Variants in UBAP2 observed in about 807,000 individuals in gnomAD.
The protein encoded by UBAP2 is ubiquitin-associated protein 2.
In UBAP2, 75 loss-of-function variants were observed where a neutral mutation model predicts 139.6. The ratio of observed to expected loss-of-function variants is 0.54; its 90% CI spans 0.45 to 0.65. The LOEUF is 0.65. Among genes scored for constraint, UBAP2 ranks in the 30% least tolerant of loss-of-function variants. The pLI is 0.00. For missense variants in UBAP2, 1,368 were observed against 1,369.6 expected (o/e 1.00, Z 0.02); for synonymous variants, 526 against 526.2 (o/e 1.00, Z 0.01).
chr9:33,993,916 A>C (rs1821929768), intron 4 of UBAP2, among the ~76,000 whole-genome samples: 1 of 109,904 alleles, frequency 9.1e-6, no homozygotes, highest in Non-Finnish European at 1.9e-5. Context: ...TTTTTTTGAG[A>C]CCGAGTCTCG....
chr9:33,953,579 T>C (rs1363530249), intron 11 of UBAP2, 105 bp from the exon 12 acceptor site: 8 of 1,206,062 alleles, frequency 6.6e-6, no homozygotes, highest in South Asian at 3.3e-5. Context: ...AAAAATCAAA[T>C]GAGGAGAACC....
At chr9:33,937,112 A>T (rs1824616517) in intron 16 of UBAP2, among the ~76,000 whole-genome samples, 2 of 151,604 alleles carry the variant, frequency 1.3e-5, no homozygotes, top group Non-Finnish European at 2.9e-5. Context: ...TAAAAAATAA[A>T]GTGAGACTGG....
chr9:34,016,594 C>G (rs1189315335), intron 2 of UBAP2, among the ~76,000 whole-genome samples: 1 of 150,140 alleles, frequency 6.7e-6, no homozygotes, highest in Non-Finnish European at 1.5e-5. Context: ...CTCGCTTTGT[C>G]ACCCAGGCTG....
chr9:33,967,035 T>G (rs568522932), intron 8 of UBAP2, among the ~76,000 whole-genome samples: 1 of 152,196 alleles, frequency 6.6e-6, no homozygotes, highest in African/African-American at 2.4e-5. Context: ...CTCTATTTAT[T>G]GTCTTCTTTA....
chr9:33,971,511 AAT>A (rs1827913837), intron 8 of UBAP2, 138 bp downstream of exon 8: 6 of 601,748 alleles, frequency 1.0e-5, no homozygotes, highest in Non-Finnish European at 1.8e-5. Context: ...ACCAACTAAG[AAT>A]AGTTTCAGAG....
chr9:34,008,285 T>C (rs986784347), intron 2 of UBAP2, among the ~76,000 whole-genome samples: 18 of 145,084 alleles, frequency 1.2e-4, no homozygotes, highest in Non-Finnish European at 1.9e-4. Context: ...GCCATTGCAC[T>C]GCAGCGTGGG....
intron 2 of UBAP2, among the ~76,000 whole-genome samples, chr9:34,015,784 T>C (rs1824197307): frequency 6.6e-6 from 1 of 152,114 alleles, no homozygotes; most frequent in South Asian, 2.1e-4. Context: ...TCCTCCCACC[T>C]CAGCCGCCCA....
At chr9:33,928,198 C>T in intron 19 of UBAP2, 1 of 541,364 alleles carries the variant, frequency 1.8e-6, no homozygotes, top group Non-Finnish European at 3.2e-6. Flanking sequence ...CATCAGGATA[C>T]AATACATAAA....
chr9:33,983,727 C>T (rs920323786), intron 6 of UBAP2, among the ~76,000 whole-genome samples: 13 of 152,192 alleles, frequency 8.5e-5, no homozygotes, highest in African/African-American at 3.1e-4. Context: ...TACGTGCCAA[C>T]ACTCTTCGTT....
At chr9:33,971,564 AT>A in intron 8 of UBAP2, 86 bp downstream of exon 8, 1 of 829,004 alleles carries the variant, frequency 1.2e-6, no homozygotes. Context: ...CCATCAGCAC[AT>A]TTAGACTTCA....
chr9:34,018,907 TTAAA>T (rs1251459378), intron 1 of UBAP2, among the ~76,000 whole-genome samples: 1 of 151,656 alleles, frequency 6.6e-6, no homozygotes. Context: ...AATTAATTAA[TTAAA>T]AAGCACCATT....
chr9:33,973,695 A>G (rs989814659), intron 6 of UBAP2, among the ~76,000 whole-genome samples: 4 of 152,238 alleles, frequency 2.6e-5, no homozygotes, highest in African/African-American at 9.6e-5. Context: ...GCAAGCAAGA[A>G]GAGAAAATTA....
At chr9:33,925,212 G>C (rs307696) in intron 22 of UBAP2, among the ~76,000 whole-genome samples, 1 of 152,046 alleles carries the variant, frequency 6.6e-6, no homozygotes, top group Admixed American at 6.5e-5. Context: ...AGCCATCCTG[G>C]CTGGGAATGG....
rs748492171 is a variant in UBAP2 at position 33,927,085 on chromosome 9, A to G, written c.2372-5T>C. The G allele has an allele frequency of 1.7e-5, 28 of 1,605,080 alleles. No individual in the cohort carries two copies. The highest frequency in any genetic ancestry group is 8.5e-5 in the Admixed American group (5 of 58,620). The stretch of plus-strand genomic sequence containing the variant: ...GTAAGTTTGGGGGTGCTTTGCCTGT[A>G]TAGAGGGAAAAATCAAATGGAGTGA... On this transcript the variant is annotated splice_polypyrimidine_tract_variant and splice_region_variant and intron_variant, in intron 20 of 28. Coordinates refer to ENST00000379238, the MANE Select transcript of UBAP2 (RefSeq NM_001370062.2).
At chr9:33,925,971 A>T (rs1823394018) in intron 22 of UBAP2, among the ~76,000 whole-genome samples, 1 of 152,172 alleles carries the variant, frequency 6.6e-6, no homozygotes, top group South Asian at 2.1e-4. Context: ...CTGTCCCCAC[A>T]GTTCTGTTCA....
At chr9:33,977,642 A>G (rs1409700011) in intron 6 of UBAP2, among the ~76,000 whole-genome samples, 1 of 151,564 alleles carries the variant, frequency 6.6e-6, no homozygotes, top group African/African-American at 2.4e-5. Context: ...ACTCTACTAC[A>G]TCTCTGTTGA....
At chr9:33,945,103 C>G (rs1285889397) in intron 13 of UBAP2, among the ~76,000 whole-genome samples, 5 of 150,824 alleles carry the variant, frequency 3.3e-5, no homozygotes, top group Non-Finnish European at 5.9e-5. Flanking sequence ...GCATTCCAGC[C>G]TGGATGACAA....
intron 11 of UBAP2, among the ~76,000 whole-genome samples, chr9:33,955,474 C>T (rs549596701): frequency 4.7e-5 from 7 of 147,618 alleles, no homozygotes; most frequent in East Asian, 4.1e-4. Context: ...GAGCCGAGAT[C>T]GTGCCACTGC....
intron 1 of UBAP2, among the ~76,000 whole-genome samples, chr9:34,032,479 A>G (rs1410060584): frequency 1.3e-5 from 2 of 152,278 alleles, no homozygotes; most frequent in East Asian, 3.9e-4. Flanking sequence ...AAAGGAGGAA[A>G]ACCACCTTCC....
Sources: gnomAD v4.1 joint callset for allele counts (sites outside exome capture counted in the v4.1 genomes callset) on GRCh38, gnomAD v4.1.1 for gene constraint, MANE v1.5 for transcripts, NCBI Gene and HGNC (gene_info 2026-07-23, HGNC 2026-07-21) for gene names.